EHD4: variants seen among roughly 807,000 people sequenced by gnomAD.
The protein encoded by EHD4 is EH domain containing 4.
A neutral mutation model predicts 51.0 loss-of-function variants in EHD4; 37 were observed. The ratio of observed to expected loss-of-function variants is 0.73; its 90% CI spans 0.56 to 0.95. The LOEUF is 0.95. Among genes scored for constraint, EHD4 ranks in the 40% least tolerant of loss-of-function variants. EHD4 has a pLI of 0.00. For missense variants in EHD4, 632 were observed against 733.1 expected (o/e 0.86, Z 1.59); for synonymous variants, 297 against 317.3 (o/e 0.94, Z 0.68).
chr15:41,913,562 C>A (rs1278604507), intron 4 of EHD4, among the ~76,000 whole-genome samples: 2 of 152,180 alleles, frequency 1.3e-5, no homozygotes, highest in Admixed American at 1.3e-4. Context: ...ATTCATCTCA[C>A]AGAGTTATTA....
At chr15:41,901,409 G>A (rs768444119) in intron 5 of EHD4, among the ~76,000 whole-genome samples, 10 of 152,334 alleles carry the variant, frequency 6.6e-5, no homozygotes, top group Admixed American at 5.9e-4. Context: ...GCTGGTGGCC[G>A]CATGAGCGAC....
intron 1 of EHD4, among the ~76,000 whole-genome samples, chr15:41,961,948 A>G (rs891511744): frequency 7.2e-5 from 11 of 152,362 alleles, no homozygotes; most frequent in Non-Finnish European, 1.0e-4. Flanking sequence ...TCAAATGACC[A>G]GATATAAAAC....
intron 3 of EHD4, among the ~76,000 whole-genome samples, chr15:41,935,458 A>G (rs1375502461): frequency 6.6e-6 from 1 of 152,064 alleles, no homozygotes; most frequent in African/African-American, 2.4e-5. Context: ...TCCCCTTTCC[A>G]CTATCCTAGG....
At position 41,900,663 on chromosome 15, in the gene EHD4, G is replaced by A. The variant is rs761925809; in HGVS notation, c.1608C>T (p.Ser536=). 1 of 1,597,122 alleles carries A rather than the reference G, an allele frequency of 6.3e-7. No homozygotes were observed. The highest frequency in any genetic ancestry group is 8.5e-7 in the Non-Finnish European group (1 of 1,176,234). The change falls in exon 6 of 6, where the codon TCC becomes TCT. Residue 536 remains serine (S), a synonymous_variant. Coordinates refer to ENST00000220325, the MANE Select transcript of EHD4 (RefSeq NM_139265.4). This position sits in a 1 kb window ranked among gnomAD's most constrained non-coding sequence, Gnocchi z 4.8. ...PHLVPPSHRK[S]LPKAD ...CCACCCCTCAGTCGGCCTTGGGCAG[G>A]GACTTCCTGTGCGAGGGGGGCACGA...
rs2067442341 is a variant in EHD4, at chr15:41,896,905, A to G, written c.*3740T>C. ...CTCTCCACAGGAAGAGTTGGGGCTCACAGGCACACCCTCTCCCTAACTCTT... is the reference window on the plus strand; with the variant it reads ...CTCTCCACAGGAAGAGTTGGGGCTCGCAGGCACACCCTCTCCCTAACTCTT... On this transcript the variant is annotated 3_prime_UTR_variant, in exon 6 of 6. Transcript: ENST00000220325. 1 of 152,124 alleles carries G rather than the reference A, an allele frequency of 6.6e-6. No homozygotes were observed. The highest frequency in any genetic ancestry group is 1.5e-5 in the Non-Finnish European group (1 of 68,026). The allele number at this position is 152,124 out of a possible 1,614,324, so 9.4% of individuals were successfully genotyped here.
At chr15:41,925,921 C>G (rs2067657530) in intron 3 of EHD4, among the ~76,000 whole-genome samples, 1 of 152,208 alleles carries the variant, frequency 6.6e-6, no homozygotes, top group Admixed American at 6.5e-5. Context: ...GGGGTTAGAA[C>G]AGTTGCTCCC....
intron 2 of EHD4, among the ~76,000 whole-genome samples, chr15:41,952,282 G>A (rs2141004114): frequency 1.3e-5 from 2 of 152,318 alleles, no homozygotes; most frequent in Middle Eastern, 6.8e-3. Context: ...AAAACTTCTA[G>A]AAAGGAGATG....
intron 5 of EHD4, among the ~76,000 whole-genome samples, chr15:41,902,844 T>TAC (rs377608270): frequency 6.7e-6 from 1 of 148,724 alleles, no homozygotes; most frequent in Middle Eastern, 3.2e-3. Context: ...CATATGTATA[T>TAC]ATATATGTTA....
intron 4 of EHD4, among the ~76,000 whole-genome samples, chr15:41,911,881 G>C (rs1200467589): frequency 6.6e-6 from 1 of 152,130 alleles, no homozygotes; most frequent in East Asian, 1.9e-4. Context: ...CCAGGCCCCA[G>C]CTCAGGGAGG....
chr15:41,953,593 T>A (rs937141378), intron 2 of EHD4, among the ~76,000 whole-genome samples, 171 bp downstream of exon 2: 20 of 152,194 alleles, frequency 1.3e-4, no homozygotes, highest in African/African-American at 4.1e-4. Context: ...CATAAATGAT[T>A]ATTTCCTATG....
chr15:41,950,064 CT>C (rs1250195653), intron 2 of EHD4, among the ~76,000 whole-genome samples: 3 of 152,246 alleles, frequency 2.0e-5, no homozygotes, highest in Admixed American at 1.3e-4. Context: ...TTCAGAATGT[CT>C]CACTAAAGCC....
At chr15:41,911,644 G>A (rs74948034) in intron 4 of EHD4, among the ~76,000 whole-genome samples, 3,795 of 152,190 alleles carry the variant, frequency 0.025, 168 homozygotes, top group African/African-American at 0.088. Context: ...TGTTCTCTAT[G>A]TATACCTATG....
intron 2 of EHD4, among the ~76,000 whole-genome samples, chr15:41,946,728 A>C (rs2067817715): frequency 6.6e-6 from 1 of 152,190 alleles, no homozygotes; most frequent in Non-Finnish European, 1.5e-5. Context: ...CCTGTCTCAG[A>C]TAAATACATA....
At chr15:41,931,244 G>T (rs2067696295) in intron 3 of EHD4, among the ~76,000 whole-genome samples, 1 of 152,196 alleles carries the variant, frequency 6.6e-6, no homozygotes, top group African/African-American at 2.4e-5. Flanking sequence ...GGGTGCAGTG[G>T]CTCATGCCTG....
intron 1 of EHD4, among the ~76,000 whole-genome samples, chr15:41,968,262 T>C (rs758816581): frequency 6.6e-6 from 1 of 152,192 alleles, no homozygotes; most frequent in African/African-American, 2.4e-5. Flanking sequence ...TTAAATACTA[T>C]AGTTAAATGT....
Position 41,900,982 on chromosome 15 carries a change from C to G in EHD4, c.1289G>C (p.Gly430Ala), listed in dbSNP as rs1388102232. ...GTCGGCGCCCTCCTTGGCACCCTCC[C>G]CGTAGCCCTGGTTGAAGGGGCCCTC... is the stretch of plus-strand genomic sequence containing the variant. ...TTEGPFNQGYGEGAKEGADEE... is the reference protein window; with the variant it reads ...TTEGPFNQGYAEGAKEGADEE... The change falls in exon 6 of 6, where the codon GGG becomes GCG. Residue 430 changes from glycine (G) to alanine (A), a missense_variant. Gly to Ala is a moderately conservative substitution (Grantham distance 60). Coordinates refer to ENST00000220325, the MANE Select transcript of EHD4 (RefSeq NM_139265.4). This position sits in a 1 kb window ranked among gnomAD's most constrained non-coding sequence, Gnocchi z 4.8. The G allele has an allele frequency of 6.2e-7, 1 of 1,610,128 alleles. No individual in the cohort carries two copies. Among genetic ancestry groups the G allele is most frequent in the East Asian group, 2.2e-5 (1 of 44,768 alleles).
chr15:41,969,718 C>T (rs1170864004), intron 1 of EHD4, among the ~76,000 whole-genome samples: 1 of 152,186 alleles, frequency 6.6e-6, no homozygotes, highest in East Asian at 1.9e-4. Flanking sequence ...CATCCTTCCT[C>T]GGCTAGTACA....
intron 4 of EHD4, among the ~76,000 whole-genome samples, chr15:41,910,679 C>G (rs967313733): frequency 1.5e-4 from 23 of 152,186 alleles, no homozygotes; most frequent in African/African-American, 5.6e-4. Flanking sequence ...AGCGATTTTC[C>G]TGCTTCAGCC....
chr15:41,900,558 CT>C lies in EHD4; in HGVS notation c.*86del. On this transcript the variant is annotated 3_prime_UTR_variant, in exon 6 of 6. Coordinates refer to ENST00000220325, the MANE Select transcript of EHD4 (RefSeq NM_139265.4). The surrounding 1 kb of genome is among the most constrained non-coding windows in gnomAD (Gnocchi z 4.8). ...AACCAAGGCACAGAGAGGGCAGTGCCTTGCCCAAGGTCATTCGGTGAGTCAG... is the reference window on the plus strand; with the variant it reads ...AACCAAGGCACAGAGAGGGCAGTGCCTGCCCAAGGTCATTCGGTGAGTCAG... 7.2e-7 allele frequency: 1 copy of C among 1,386,132 alleles called. No homozygotes were observed. 85.9% of individuals were successfully genotyped at this position (1,386,132 alleles called of 1,614,324 possible). A position where few individuals can be genotyped will look rare whatever the true frequency, so the allele number is the denominator to read the frequency against.
Sources: gnomAD v4.1 joint callset for allele counts (sites outside exome capture counted in the v4.1 genomes callset) on GRCh38, gnomAD v4.1.1 for gene constraint, Gnocchi (gnomAD v3.1) non-coding constraint, MANE v1.5 for transcripts, NCBI Gene and HGNC (gene_info 2026-07-23, HGNC 2026-07-21) for gene names.